Variants in SAE1 observed in about 807,000 individuals in gnomAD.
SAE1 encodes the protein SUMO-activating enzyme subunit 1.
In SAE1, 11 loss-of-function variants were observed where a neutral mutation model predicts 40.6. The ratio of observed to expected loss-of-function variants is 0.27; its 90% CI spans 0.17 to 0.45. SAE1 has a LOEUF of 0.45. SAE1 is among the 20% of genes least tolerant of loss of function. The pLI, the probability that SAE1 is intolerant of heterozygous loss-of-function variation, is 1.00. For missense variants in SAE1, 373 were observed against 427.3 expected, an observed-to-expected ratio of 0.87 and a Z score of 1.12; for synonymous variants, 155 against 154.3, an observed-to-expected ratio of 1.00 and a Z score of -0.03.
chr19:47,167,967 C>T (rs868227385), intron 5 of SAE1, among the ~76,000 whole-genome samples: 27 of 152,198 alleles, frequency 1.8e-4, no homozygotes, highest in Middle Eastern at 3.4e-3. Context: ...CCGAGGCAGG[C>T]AGATCACCTA....
At chr19:47,167,462 G>A (rs955810354) in intron 5 of SAE1, among the ~76,000 whole-genome samples, 5 of 148,754 alleles carry the variant, frequency 3.4e-5, no homozygotes, top group African/African-American at 1.2e-4. Flanking sequence ...GGATGGTCTC[G>A]ATCTCCTGAC....
chr19:47,200,399 A>ATTTTTTTTTTTTTTTTT (rs35657499), intron 7 of SAE1, among the ~76,000 whole-genome samples: 1 of 102,560 alleles, frequency 9.8e-6, no homozygotes, highest in Non-Finnish European at 1.9e-5. Flanking sequence ...AGCCTGCCTA[A>ATTTTTTTTTTTTTTTTT]TTTTTTTTTT....
At chr19:47,156,217 G>C (rs980866949) in intron 5 of SAE1, among the ~76,000 whole-genome samples, 8 of 151,324 alleles carry the variant, frequency 5.3e-5, no homozygotes, top group African/African-American at 1.9e-4. Context: ...GCTGCAGTGA[G>C]CCATGGTCAC....
chr19:47,140,104 ATT>A (rs1211393505), intron 1 of SAE1, among the ~76,000 whole-genome samples: 1 of 135,210 alleles, frequency 7.4e-6, no homozygotes. Context: ...CTCCCGGCTA[ATT>A]TTTTTTTTTT....
chr19:47,131,136 G>T, intron 1 of SAE1, 108 bp downstream of exon 1: 1 of 1,437,010 alleles, frequency 7.0e-7, no homozygotes, highest in South Asian at 1.5e-5. Flanking sequence ...GGAGGAGGCG[G>T]GAATTCTGTG....
At chr19:47,200,559 G>T (rs2058647215) in intron 7 of SAE1, among the ~76,000 whole-genome samples, 1 of 151,896 alleles carries the variant, frequency 6.6e-6, no homozygotes, top group Non-Finnish European at 1.5e-5. Context: ...TTGTTGTAGA[G>T]ACGGGGGTCT....
intron 6 of SAE1, among the ~76,000 whole-genome samples, chr19:47,188,168 G>A (rs935134614): frequency 6.6e-6 from 1 of 151,914 alleles, no homozygotes; most frequent in Admixed American, 6.6e-5. Context: ...GGGCAACATG[G>A]TGAGACCTCG....
intron 5 of SAE1, among the ~76,000 whole-genome samples, chr19:47,169,176 G>T (rs1241858328): frequency 6.6e-6 from 1 of 152,038 alleles, no homozygotes; most frequent in Non-Finnish European, 1.5e-5. Flanking sequence ...ATAGAATATT[G>T]TTAGACTTAC....
intron 2 of SAE1, among the ~76,000 whole-genome samples, chr19:47,149,415 C>T (rs1454360143): frequency 1.3e-5 from 2 of 151,986 alleles, no homozygotes; most frequent in Non-Finnish European, 2.9e-5. Context: ...AGGTGATCCT[C>T]CTGCCTCGGC....
intron 6 of SAE1, among the ~76,000 whole-genome samples, chr19:47,171,033 G>T (rs2058428162): frequency 6.6e-6 from 1 of 152,088 alleles, no homozygotes; most frequent in Non-Finnish European, 1.5e-5. Flanking sequence ...GGAGTGCAGT[G>T]GTGTGATCTT....
At chr19:47,164,710 A>G (rs1441108010) in intron 5 of SAE1, among the ~76,000 whole-genome samples, 78 of 124,280 alleles carry the variant, frequency 6.3e-4, no homozygotes, top group African/African-American at 2.3e-3. Flanking sequence ...GTGCAGTGGC[A>G]TGATCTCAGC....
At chr19:47,198,102 A>G (rs1029278285) in intron 7 of SAE1, among the ~76,000 whole-genome samples, 9 of 149,906 alleles carry the variant, frequency 6.0e-5, no homozygotes, top group African/African-American at 2.2e-4. Flanking sequence ...CTAGGTCACA[A>G]TCTCTCTCTC....
intron 8 of SAE1, 100 bp from the exon 9 acceptor site, chr19:47,209,059 C>T: frequency 1.7e-6 from 2 of 1,157,316 alleles, no homozygotes; most frequent in South Asian, 3.1e-5. Context: ...AAATCGACCC[C>T]AGTTAAGAAC....
intron 5 of SAE1, among the ~76,000 whole-genome samples, chr19:47,165,777 G>T (rs758880875): frequency 4.6e-5 from 7 of 152,214 alleles, no homozygotes; most frequent in African/African-American, 9.6e-5. Flanking sequence ...GAACCAAAAG[G>T]ATTGTTAAGT....
intron 6 of SAE1, among the ~76,000 whole-genome samples, chr19:47,174,616 A>C (rs2058457137): frequency 8.0e-6 from 1 of 124,568 alleles, no homozygotes; most frequent in Non-Finnish European, 1.6e-5. Flanking sequence ...TCTGTCTCCC[A>C]GCCTGGAGTG....
chr19:47,159,475 C>T (rs1426397122), intron 5 of SAE1, among the ~76,000 whole-genome samples: 5 of 152,120 alleles, frequency 3.3e-5, no homozygotes, highest in African/African-American at 1.2e-4. Context: ...CAGTCATATC[C>T]ACGGAATATT....
intron 5 of SAE1, among the ~76,000 whole-genome samples, chr19:47,168,250 C>T (rs1214580899): frequency 6.6e-6 from 1 of 152,062 alleles, no homozygotes; most frequent in Non-Finnish European, 1.5e-5. Context: ...TATATGCGAA[C>T]CATTTGTGAA....
intron 6 of SAE1, among the ~76,000 whole-genome samples, chr19:47,190,153 A>T (rs1359081459): frequency 4.6e-5 from 7 of 152,164 alleles, no homozygotes; most frequent in Non-Finnish European, 7.3e-5. Flanking sequence ...CAGCATCCTG[A>T]GTTAATTAAA....
intron 2 of SAE1, among the ~76,000 whole-genome samples, chr19:47,144,530 A>G (rs2058242804): frequency 6.6e-6 from 1 of 150,968 alleles, no homozygotes; most frequent in Non-Finnish European, 1.5e-5. Context: ...AAACCCCATC[A>G]CTACTAAAGA....
Sources: gnomAD v4.1 joint callset for allele counts (sites outside exome capture counted in the v4.1 genomes callset) on GRCh38, gnomAD v4.1.1 for gene constraint, MANE v1.5 for transcripts, NCBI Gene and HGNC (gene_info 2026-07-23, HGNC 2026-07-21) for gene names.